Variants in AEN observed in about 807,000 individuals in gnomAD.
AEN encodes the protein apoptosis enhancing nuclease, also known as apoptosis-enhancing nuclease.
AEN carries 21 observed loss-of-function variants against 17.7 expected under a neutral mutation model. That is an observed-to-expected ratio of 1.19 (90% confidence interval 0.84 to 1.71). The LOEUF is 1.71. Among genes scored for constraint, AEN ranks in the 40% most tolerant of loss-of-function variants. The probability of loss-of-function intolerance (pLI) is 0.00; values close to 1 mark genes in which losing one functional copy is unlikely to be tolerated. For missense variants in AEN, 462 were observed against 435.9 expected, an observed-to-expected ratio of 1.06 and a Z score of -0.53; for synonymous variants, 190 against 173.0, an observed-to-expected ratio of 1.10 and a Z score of -0.77.
the AEN span, among the ~76,000 whole-genome samples, chr15:88,613,202 A>G: frequency 1.3e-5 from 2 of 152,150 alleles, no homozygotes; most frequent in African/African-American, 4.8e-5. Context: ...CTGGCAAGGC[A>G]CTTGACCTCT....
At chr15:88,609,705 T>G in the AEN span, among the ~76,000 whole-genome samples, 3 of 152,212 alleles carry the variant, frequency 2.0e-5, no homozygotes, top group African/African-American at 7.2e-5. Flanking sequence ...TTTTATTGCT[T>G]GCATCTTCTC....
chr15:88,619,151 T>C (rs959004024), upstream of AEN, among the ~76,000 whole-genome samples: 1 of 152,230 alleles, frequency 6.6e-6, no homozygotes, highest in Non-Finnish European at 1.5e-5. Flanking sequence ...TAGAAGGATT[T>C]CTTGCCCCGT....
rs373032169 is a variant in AEN, at chr15:88,629,402, G to A, written c.717G>A (p.Leu239=). ...GGGTCTCTCTAAAGGACCTGGCCCT[G>A]CAGCTGCTGCACAAGAAGATCCAGG... The part of the protein sequence containing the change: ...RARVSLKDLA[L]QLLHKKIQVG... The change falls in exon 3 of 4, where the codon CTG becomes CTA. Residue 239 remains leucine, a synonymous_variant. Transcript: ENST00000332810. The A allele has an allele frequency of 1.5e-4, 235 of 1,613,870 alleles. No homozygotes were observed. Among genetic ancestry groups the A allele is most frequent in the Non-Finnish European group, 2.0e-4 (231 of 1,179,948 alleles).
chr15:88,628,147 A>G (rs1439854573), intron 2 of AEN: 1 of 152,064 alleles, frequency 6.6e-6, no homozygotes, highest in African/African-American at 2.4e-5. Context: ...CAAGAGCAGG[A>G]CCACTTTTTG....
In AEN at chr15:88,626,574, C is replaced by T. The variant is rs1478357180; in HGVS notation, c.365C>T (p.Pro122Leu). ...AIDCEMVGTGPRGRVSELARC... is the reference protein window; with the variant it reads ...AIDCEMVGTGLRGRVSELARC... ...GACTGTGAGATGGTGGGCACGGGAC[C>T]CCGAGGGCGGGTAAGCGAGCTGGCC... The change falls in exon 2 of 4, where the codon CCC becomes CTC. Residue 122 changes from proline (P) to leucine (L), a missense_variant. Coordinates refer to ENST00000332810, the MANE Select transcript of AEN (RefSeq NM_022767.4). 3.7e-6 allele frequency: 6 copies of T among 1,614,140 alleles called. No individual in the cohort carries two copies. Among genetic ancestry groups the T allele is most frequent in the Admixed American group, 1.7e-5 (1 of 60,032 alleles).
At chr15:88,629,481 A>G in intron 3 of AEN, 55 bp downstream of exon 3, 3 of 1,578,866 alleles carry the variant, frequency 1.9e-6, no homozygotes, top group South Asian at 2.3e-5. Context: ...CCTCCATGCC[A>G]CCTGAGCCAC....
chr15:88,630,160 T>C lies in AEN; in HGVS notation c.844T>C (p.Trp282Arg). 1 of 1,613,910 alleles carries C rather than the reference T, an allele frequency of 6.2e-7. No homozygotes were observed. The highest frequency in any genetic ancestry group is 8.5e-7 in the Non-Finnish European group (1 of 1,179,956). ...QWEQQEARSL[W>R]TCPEDREPDS... ...GGAACAGCAGGAGGCCCGCAGCCTC[T>C]GGACCTGCCCCGAGGACAGAGAACC... The change falls in exon 4 of 4, where the codon TGG (tryptophan) becomes CGG (arginine). Residue 282 changes from tryptophan (W) to arginine (R), a missense_variant. Coordinates refer to ENST00000332810, the MANE Select transcript of AEN (RefSeq NM_022767.4). This position sits in a 1 kb window ranked among gnomAD's most constrained non-coding sequence, Gnocchi z 5.1.
At position 88,626,703 on chromosome 15, in the gene AEN, G is replaced by A. The variant is rs200899445; in HGVS notation, c.494G>A (p.Arg165Gln). ...DYRTRWSGIT[R>Q]QHMRKAVPFQ... is the part of the protein sequence containing the mutation. ...CGTACCCGCTGGAGTGGCATCACTC[G>A]GCAGCACATGCGCAAGGCTGTCCCC... is the stretch of plus-strand genomic sequence containing the variant. Residue 165 changes from arginine (R) to glutamine (Q), a missense_variant, in exon 2 of 4, where the codon CGG becomes CAG. Coordinates refer to ENST00000332810, the MANE Select transcript of AEN (RefSeq NM_022767.4). 3,346 of 1,612,980 alleles carry A rather than the reference G, an allele frequency of 2.1e-3. 87 individuals are homozygous for A. The South Asian group carries it at 0.034, about 16-fold the overall frequency.
chr15:88,624,808 G>A (rs555382592), intron 1 of AEN, among the ~76,000 whole-genome samples: 28 of 151,920 alleles, frequency 1.8e-4, no homozygotes, highest in Non-Finnish European at 7.4e-5. Context: ...GCTTGAAGCC[G>A]GGAGGCGGAG....
chr15:88,611,308 T>C, the AEN span, among the ~76,000 whole-genome samples: 1 of 151,858 alleles, frequency 6.6e-6, no homozygotes, highest in African/African-American at 2.4e-5. Context: ...AAAGGAAATA[T>C]GCTCAAATTG....
upstream of AEN, among the ~76,000 whole-genome samples, chr15:88,619,462 G>T (rs2057763617): frequency 6.6e-6 from 1 of 152,158 alleles, no homozygotes; most frequent in Non-Finnish European, 1.5e-5. Context: ...GGCCAAGGTG[G>T]GTGGATCACG....
At chr15:88,604,891 T>A in the AEN span, 1 of 152,116 alleles carries the variant, frequency 6.6e-6, no homozygotes, top group African/African-American at 2.4e-5. The surrounding 1 kb of genome is among the most constrained non-coding windows in gnomAD (Gnocchi z 8.1). Flanking sequence ...GGGGCTTTCT[T>A]CCAGAAAGAA....
At position 88,631,018 on chromosome 15, in the gene AEN, C is replaced by A; in HGVS notation, c.*724C>A. Reference sequence around the variant, plus strand: ...TTTCTTGGCAACAGAAAGCCCCAGGCACAGCTCAGGGAGGAGGGAAGGCAG... The same window carrying A: ...TTTCTTGGCAACAGAAAGCCCCAGGAACAGCTCAGGGAGGAGGGAAGGCAG... On this transcript the variant is annotated 3_prime_UTR_variant, in exon 4 of 4. Transcript: ENST00000332810. The A allele has an allele frequency of 2.3e-6, 1 of 428,022 alleles. No homozygotes were observed. The highest frequency in any genetic ancestry group is 4.9e-6 in the Non-Finnish European group (1 of 205,810). 26.5% of individuals were successfully genotyped at this position (428,022 alleles called of 1,614,324 possible).
At chr15:88,606,860 A>G in the AEN span, among the ~76,000 whole-genome samples, 1 of 151,654 alleles carries the variant, frequency 6.6e-6, no homozygotes, top group Non-Finnish European at 1.5e-5. Flanking sequence ...CCATGGCTTC[A>G]TTTCTCCAGG....
Position 88,626,226 on chromosome 15 carries a change from C to T in AEN, c.17C>T (p.Ala6Val). The T allele has an allele frequency of 1.3e-6, 2 of 1,592,948 alleles. No individual in the cohort carries two copies. Among genetic ancestry groups the T allele is most frequent in the African/African-American group, 1.3e-5 (1 of 74,380 alleles). The change falls in exon 2 of 4, where the codon GCC becomes GTC. Residue 6 changes from alanine to valine, a missense_variant. Physicochemically the swap from Ala to Val is moderately conservative, Grantham distance 64. Coordinates refer to ENST00000332810, the MANE Select transcript of AEN (RefSeq NM_022767.4). Reference protein sequence around the residue: MVPREAPESAQCLCPS... With the variant: MVPREVPESAQCLCPS... The stretch of plus-strand genomic sequence containing the variant: ...CTGACTGGAATGGTACCCCGGGAGG[C>T]CCCTGAGTCTGCTCAGTGCCTGTGC...
At chr15:88,611,581 G>A in the AEN span, among the ~76,000 whole-genome samples, 1 of 152,104 alleles carries the variant, frequency 6.6e-6, no homozygotes, top group Non-Finnish European at 1.5e-5. Context: ...GGGTGACAGA[G>A]CAAGACCCTG....
At chr15:88,626,897 A>T (rs1374186757) in intron 2 of AEN, 148 bp downstream of exon 2, 2 of 844,460 alleles carry the variant, frequency 2.4e-6, no homozygotes, top group East Asian at 5.4e-5. Flanking sequence ...TTCTCCATAG[A>T]ACAGGGGAAA....
the AEN span, among the ~76,000 whole-genome samples, chr15:88,611,221 A>G: frequency 0.54 from 81,319 of 151,516 alleles, 23,922 homozygotes; most frequent in African/African-American, 0.8. Context: ...TGGTGGTTCA[A>G]TGCTTTATGA....
Position 88,631,044 on chromosome 15 carries a change from G to A in AEN, c.*750G>A. On this transcript the variant is annotated 3_prime_UTR_variant, in exon 4 of 4. Transcript: ENST00000332810. ...ACAGCTCAGGGAGGAGGGAAGGCAG[G>A]TAAGCTTTGGACGAGAACTGGCATA... The A allele has an allele frequency of 2.2e-6, 1 of 446,828 alleles. No homozygotes were observed. Among genetic ancestry groups the A allele is most frequent in the South Asian group, 1.6e-5 (1 of 64,386 alleles). The allele number at this position is 446,828 out of a possible 1,614,324, so 27.7% of individuals were successfully genotyped here.
Sources: gnomAD v4.1 joint callset for allele counts (sites outside exome capture counted in the v4.1 genomes callset) on GRCh38, gnomAD v4.1.1 for gene constraint, Gnocchi (gnomAD v3.1) non-coding constraint, MANE v1.5 for transcripts, NCBI Gene and HGNC (gene_info 2026-07-23, HGNC 2026-07-21) for gene names.